Variants in BZW2 observed in about 807,000 individuals in gnomAD.
The protein encoded by BZW2 is eIF5-mimic protein 1.
Under a neutral mutation model 53.2 loss-of-function variants are expected in BZW2, and 23 were observed. The ratio of observed to expected loss-of-function variants is 0.43; its 90% CI spans 0.31 to 0.61. The LOEUF (loss-of-function observed/expected upper bound fraction) is 0.61. Ranked by LOEUF, BZW2 falls within the 20% of genes least tolerant of loss-of-function variation. The pLI is 0.09. For synonymous variants in BZW2, 227 were observed against 186.4 expected, an observed-to-expected ratio of 1.22 and a Z score of -1.77; for missense variants, 409 against 503.1, an observed-to-expected ratio of 0.81 and a Z score of 1.79.
chr7:16,646,212 CTGCTGCTGCT>C lies in BZW2; in HGVS notation c.-83_-74del. ...CCATTGTCTGCCGCCACTGCTGCTG[CTGCTGCTGCT>C]GCCGCTGCTGCTGCACGAATCGCCG... On this transcript the variant is annotated 5_prime_UTR_variant, in exon 1 of 12. Transcript: ENST00000258761. 1 of 345,442 alleles carries C rather than the reference CTGCTGCTGCT, an allele frequency of 2.9e-6. No individual in the cohort carries two copies. 21.4% of individuals were successfully genotyped at this position (345,442 alleles called of 1,614,324 possible).
intron 3 of BZW2, among the ~76,000 whole-genome samples, chr7:16,680,619 A>G (rs1390042856): frequency 6.6e-6 from 1 of 152,006 alleles, no homozygotes; most frequent in African/African-American, 2.4e-5. Context: ...AGCCTGGGCA[A>G]CATGGGAAAA....
At chr7:16,699,777 C>G (rs1477507293) in intron 10 of BZW2, among the ~76,000 whole-genome samples, 1 of 152,132 alleles carries the variant, frequency 6.6e-6, no homozygotes, top group East Asian at 1.9e-4. Context: ...TCATTTTAAC[C>G]ACTAATGCCA....
At position 16,696,959 on chromosome 7, in the gene BZW2, A is replaced by C. The variant is rs756194749; in HGVS notation, c.867A>C (p.Pro289=). 1 of 1,614,162 alleles carries C rather than the reference A, an allele frequency of 6.2e-7. No individual in the cohort carries two copies. ...VKEEMKRNDL[P]ETAVIGLLWT... Reference sequence around the variant, plus strand: ...AAGAAATGAAGAGGAATGATCTTCCAGAAACAGCAGTGATTGGTCTTCTGT... The same window carrying C: ...AAGAAATGAAGAGGAATGATCTTCCCGAAACAGCAGTGATTGGTCTTCTGT... Residue 289 remains proline (P), a synonymous_variant, in exon 9 of 12, where the codon CCA becomes CCC. Coordinates refer to ENST00000258761, the MANE Select transcript of BZW2 (RefSeq NM_014038.3).
chr7:16,666,787 G>A (rs1156368782), intron 2 of BZW2, among the ~76,000 whole-genome samples: 1 of 152,088 alleles, frequency 6.6e-6, no homozygotes, highest in Non-Finnish European at 1.5e-5. Flanking sequence ...TCCCACCTCA[G>A]CCACCCAAGG....
chr7:16,666,388 CTTTTAT>C (rs1392551182), intron 2 of BZW2, among the ~76,000 whole-genome samples: 2 of 94,196 alleles, frequency 2.1e-5, no homozygotes, highest in Non-Finnish European at 4.4e-5. Flanking sequence ...GTATAAAAGA[CTTTTAT>C]TTATTTATTT....
intron 9 of BZW2, 171 bp from the exon 10 acceptor site, chr7:16,697,877 C>T: frequency 2.8e-6 from 2 of 706,046 alleles, no homozygotes; most frequent in East Asian, 2.7e-5. Flanking sequence ...CTGCTTTGTT[C>T]CTACTGTTCT....
chr7:16,696,101 C>G (rs1295579045), intron 8 of BZW2: 1 of 151,278 alleles, frequency 6.6e-6, no homozygotes, highest in Non-Finnish European at 1.5e-5. Flanking sequence ...GGCCAGAAGT[C>G]AAGAAAGCAA....
At chr7:16,668,452 A>G (rs1782498181) in intron 2 of BZW2, among the ~76,000 whole-genome samples, 1 of 152,226 alleles carries the variant, frequency 6.6e-6, no homozygotes, top group Admixed American at 6.5e-5. Context: ...GATTGAAGCA[A>G]CACTTGAGCC....
Position 16,704,687 on chromosome 7 carries a change from A to G in BZW2, c.1231+18A>G, listed in dbSNP as rs547008324. ...AGAAGAAGGTATGATTCTGTTTACAAACATTGATGACCTTTAAACACTGTC... is the reference window on the plus strand; with the variant it reads ...AGAAGAAGGTATGATTCTGTTTACAGACATTGATGACCTTTAAACACTGTC... On this transcript the variant is annotated intron_variant, in intron 11 of 11. Transcript: ENST00000258761. 6 of 1,554,706 alleles carry G rather than the reference A, an allele frequency of 3.9e-6. No individual in the cohort carries two copies. The highest frequency in any genetic ancestry group is 2.7e-5 in the African/African-American group (2 of 74,308).
chr7:16,668,160 C>T (rs941550799), intron 2 of BZW2, among the ~76,000 whole-genome samples: 5 of 152,148 alleles, frequency 3.3e-5, no homozygotes, highest in Non-Finnish European at 7.3e-5. Context: ...AGCTGGATCT[C>T]CACCTCAAGC....
intron 2 of BZW2, among the ~76,000 whole-genome samples, chr7:16,665,839 C>T (rs1364696074): frequency 2.0e-5 from 3 of 152,048 alleles, no homozygotes; most frequent in Admixed American, 1.3e-4. Context: ...TTTATGAAAA[C>T]GTTGATGGCA....
intron 1 of BZW2, among the ~76,000 whole-genome samples, chr7:16,649,828 A>G (rs1781944806): frequency 6.6e-6 from 1 of 152,222 alleles, no homozygotes; most frequent in Admixed American, 6.5e-5. Context: ...ATTCTGTGAC[A>G]GAAAGGAAGA....
At chr7:16,658,320 A>G (rs1259983302) in intron 1 of BZW2, among the ~76,000 whole-genome samples, 1 of 152,208 alleles carries the variant, frequency 6.6e-6, no homozygotes, top group African/African-American at 2.4e-5. Flanking sequence ...GACATTGTGT[A>G]GTTGCCTTAA....
intron 3 of BZW2, among the ~76,000 whole-genome samples, chr7:16,675,259 G>A (rs1285833767): frequency 6.6e-6 from 1 of 152,140 alleles, no homozygotes; most frequent in African/African-American, 2.4e-5. Context: ...TCCTGTCGTA[G>A]CTGTAAATCA....
chr7:16,685,895 T>TTTTTTTTA lies in BZW2; in HGVS notation c.406-10_406-9insTTTTTTTA. On this transcript the variant is annotated splice_polypyrimidine_tract_variant and intron_variant, in intron 5 of 11. Transcript: ENST00000258761. ...CTTTTTCTTTTTTTTTTTTTTTTTT[T>TTTTTTTTA]GACCCACAGCTTCTCCTCTTCCTTA... 1 of 1,353,442 alleles carries TTTTTTTTA rather than the reference T, an allele frequency of 7.4e-7. No homozygotes were observed. Among genetic ancestry groups the TTTTTTTTA allele is most frequent in the East Asian group, 2.8e-5 (1 of 35,696 alleles). The allele number at this position is 1,353,442 out of a possible 1,614,324, so 83.8% of individuals were successfully genotyped here. A position where few individuals can be genotyped will look rare whatever the true frequency, so the allele number is the denominator to read the frequency against.
chr7:16,665,602 T>C, intron 2 of BZW2, 101 bp downstream of exon 2: 3 of 1,537,824 alleles, frequency 2.0e-6, no homozygotes, highest in Admixed American at 2.0e-5. Flanking sequence ...CCTCACTGAT[T>C]CTACTCATTT....
At chr7:16,650,806 G>A (rs1195579627) in intron 1 of BZW2, among the ~76,000 whole-genome samples, 4 of 152,210 alleles carry the variant, frequency 2.6e-5, no homozygotes, top group African/African-American at 9.6e-5. Context: ...TAGGTGCCGA[G>A]TGGAATGATT....
At chr7:16,673,527 ATT>A (rs756861226) in intron 2 of BZW2, among the ~76,000 whole-genome samples, 8 of 151,482 alleles carry the variant, frequency 5.3e-5, no homozygotes, top group African/African-American at 1.7e-4. Flanking sequence ...CTTCTCACTA[ATT>A]TTTTTTTGTT....
intron 2 of BZW2, among the ~76,000 whole-genome samples, chr7:16,667,197 C>T (rs902075991): frequency 1.1e-4 from 17 of 151,416 alleles, no homozygotes; most frequent in Non-Finnish European, 1.5e-4. Context: ...CAAGGAGAAT[C>T]GCTTGAACCC....
Sources: allele counts gnomAD v4.1 joint callset (sites outside exome capture counted in the v4.1 genomes callset), GRCh38; gene constraint gnomAD v4.1.1; transcripts MANE v1.5; gene names NCBI Gene and HGNC (gene_info 2026-07-23, HGNC 2026-07-21).